The following ATP6V0E1 variants were observed in gnomAD, a reference collection of about 807,000 sequenced individuals.
ATP6V0E1 encodes V-type proton ATPase subunit e 1.
Under a neutral mutation model 11.6 loss-of-function variants are expected in ATP6V0E1, and 4 were observed. That is an observed-to-expected ratio of 0.35 (90% CI 0.17 to 0.79). The LOEUF (loss-of-function observed/expected upper bound fraction) is 0.79. Among genes scored for constraint, ATP6V0E1 ranks in the 30% least tolerant of loss-of-function variants. The pLI is 0.54. For synonymous variants in ATP6V0E1, 36 were observed against 34.8 expected (o/e 1.04, Z -0.13); for missense variants, 105 against 100.0 (o/e 1.05, Z -0.21).
intron 3 of ATP6V0E1, among the ~76,000 whole-genome samples, chr5:173,028,671 C>T (rs891154259): frequency 1.3e-5 from 2 of 152,288 alleles, no homozygotes; most frequent in East Asian, 1.9e-4. Context: ...ATTGAAGAAC[C>T]GAACCACAGC....
chr5:172,998,542 TG>T (rs1321456871), intron 2 of ATP6V0E1, among the ~76,000 whole-genome samples: 1 of 139,776 alleles, frequency 7.2e-6, no homozygotes, highest in Non-Finnish European at 1.5e-5. Context: ...ACCCGGGAGG[TG>T]GATGTTGCAG....
intron 3 of ATP6V0E1, among the ~76,000 whole-genome samples, chr5:173,034,046 GAACC>G (rs1756704221): frequency 6.6e-6 from 1 of 152,168 alleles, no homozygotes; most frequent in Admixed American, 6.5e-5. Flanking sequence ...CATGCCTGCG[GAACC>G]TCCCCTCCAT....
intron 1 of ATP6V0E1, among the ~76,000 whole-genome samples, chr5:172,989,519 C>A (rs1755947476): frequency 6.6e-6 from 1 of 151,332 alleles, no homozygotes; most frequent in South Asian, 2.1e-4. Context: ...TTATTTATCT[C>A]CTTACTGAAG....
intron 1 of ATP6V0E1, among the ~76,000 whole-genome samples, chr5:172,984,261 C>A (rs1755848195): frequency 1.3e-5 from 2 of 152,210 alleles, no homozygotes; most frequent in Admixed American, 1.3e-4. Context: ...AATGAGCAGG[C>A]CGAATCTGGG....
At chr5:173,019,145 G>A (rs539417544) in intron 2 of ATP6V0E1, among the ~76,000 whole-genome samples, 4 of 152,128 alleles carry the variant, frequency 2.6e-5, no homozygotes, top group South Asian at 4.2e-4. Flanking sequence ...TTATAGAGAC[G>A]GGTTCTCACT....
intron 2 of ATP6V0E1, among the ~76,000 whole-genome samples, chr5:172,997,948 C>G (rs1756092456): frequency 6.6e-6 from 1 of 151,874 alleles, no homozygotes; most frequent in South Asian, 2.1e-4. Flanking sequence ...GAAACCCTTT[C>G]TCTACAAAAA....
chr5:173,026,193 G>T (rs1014331396), intron 3 of ATP6V0E1, among the ~76,000 whole-genome samples: 1 of 151,562 alleles, frequency 6.6e-6, no homozygotes, highest in Non-Finnish European at 1.5e-5. Context: ...ACAGTGTTTC[G>T]CTTTGTTGCC....
intron 2 of ATP6V0E1, among the ~76,000 whole-genome samples, chr5:173,018,839 GA>G (rs930169319): frequency 6.6e-6 from 1 of 150,752 alleles, no homozygotes; most frequent in Non-Finnish European, 1.5e-5. Context: ...GCTTTTGTCT[GA>G]GCTAAGTGAT....
intron 1 of ATP6V0E1, among the ~76,000 whole-genome samples, chr5:172,990,367 C>G (rs542534134): frequency 6.6e-6 from 1 of 152,272 alleles, no homozygotes; most frequent in East Asian, 1.9e-4. Flanking sequence ...TCCATAGATT[C>G]TCTAAAGCTT....
At chr5:173,006,863 G>A (rs1022335867) in intron 2 of ATP6V0E1, among the ~76,000 whole-genome samples, 5 of 152,096 alleles carry the variant, frequency 3.3e-5, no homozygotes, top group Non-Finnish European at 7.4e-5. Flanking sequence ...ATGTTTGTTT[G>A]TAGGGGAAGG....
At chr5:173,014,491 G>A (rs1045196421) in intron 2 of ATP6V0E1, among the ~76,000 whole-genome samples, 15 of 152,144 alleles carry the variant, frequency 9.9e-5, no homozygotes, top group South Asian at 4.1e-4. Flanking sequence ...ACAGATGAAC[G>A]CATGCAGAAA....
At chr5:173,011,442 C>A (rs1756325374) in intron 2 of ATP6V0E1, among the ~76,000 whole-genome samples, 1 of 152,092 alleles carries the variant, frequency 6.6e-6, no homozygotes, top group Non-Finnish European at 1.5e-5. Flanking sequence ...CCTCAGCCTC[C>A]CAAAGTGTTG....
chr5:173,022,340 T>A (rs1419717430), intron 3 of ATP6V0E1, among the ~76,000 whole-genome samples: 2 of 152,174 alleles, frequency 1.3e-5, no homozygotes, highest in East Asian at 3.8e-4. Flanking sequence ...ATCACTGGGT[T>A]CAGGTAATGA....
intron 2 of ATP6V0E1, among the ~76,000 whole-genome samples, chr5:172,997,851 T>C (rs1756091197): frequency 6.6e-6 from 1 of 150,978 alleles, no homozygotes; most frequent in African/African-American, 2.4e-5. Flanking sequence ...GCATGGTGGC[T>C]CACGCCTGTA....
chr5:173,026,752 T>A (rs1229479007), intron 3 of ATP6V0E1, among the ~76,000 whole-genome samples: 1 of 152,240 alleles, frequency 6.6e-6, no homozygotes, highest in African/African-American at 2.4e-5. Flanking sequence ...TATGCCATTT[T>A]CTGTTTTTGC....
intron 1 of ATP6V0E1, among the ~76,000 whole-genome samples, chr5:172,989,294 A>G (rs186765728): frequency 6.6e-6 from 1 of 152,244 alleles, no homozygotes; most frequent in Admixed American, 6.5e-5. Context: ...AGCTATGATC[A>G]TGCCACTGCA....
At chr5:173,009,326 A>G (rs372532546) in intron 2 of ATP6V0E1, among the ~76,000 whole-genome samples, 19 of 151,704 alleles carry the variant, frequency 1.3e-4, no homozygotes, top group South Asian at 6.3e-4. Flanking sequence ...TACTCAGGAG[A>G]CTGAGATGGG....
Position 173,020,227 on chromosome 5 carries a change from C to T in ATP6V0E1, c.153-11C>T, listed in dbSNP as rs749043062. On this transcript the variant is annotated splice_polypyrimidine_tract_variant and intron_variant, in intron 2 of 3. Coordinates refer to ENST00000519374, the MANE Select transcript of ATP6V0E1 (RefSeq NM_003945.4). ...CACCGCTTCGTTGTTTCTCTCCCAT[C>T]CTTCTTTTAGTTGGCTGATTGCAAT... The T allele has an allele frequency of 6.2e-7, 1 of 1,605,932 alleles. No homozygotes were observed. The highest frequency in any genetic ancestry group is 8.5e-7 in the Non-Finnish European group (1 of 1,172,704).
intron 2 of ATP6V0E1, among the ~76,000 whole-genome samples, chr5:173,016,687 G>C (rs1221023641): frequency 6.6e-6 from 1 of 152,178 alleles, no homozygotes; most frequent in South Asian, 2.1e-4. Flanking sequence ...GATTGGGGAA[G>C]TCCTTGGTTA....
Sources: allele counts gnomAD v4.1 joint callset (sites outside exome capture counted in the v4.1 genomes callset), GRCh38; gene constraint gnomAD v4.1.1; transcripts MANE v1.5; gene names NCBI Gene and HGNC (gene_info 2026-07-23, HGNC 2026-07-21).